TANC1: variants seen among roughly 807,000 people sequenced by gnomAD.
TANC1 encodes the protein protein TANC1.
TANC1 carries 77 observed loss-of-function variants against 149.7 expected under a neutral mutation model. That is an observed-to-expected ratio of 0.51 (90% CI 0.43 to 0.62). The LOEUF is 0.62. Ranked by LOEUF, TANC1 falls within the 20% of genes least tolerant of loss-of-function variation. The pLI is 0.00. For synonymous variants in TANC1, 854 were observed against 925.0 expected (o/e 0.92, Z 1.39); for missense variants, 1,985 against 2,321.8 (o/e 0.85, Z 2.98).
Position 159,229,252 on chromosome 2 carries a change from C to CT in TANC1, c.4152-325dup, listed in dbSNP as rs532792576. On this transcript the variant is annotated intron_variant, in intron 26 of 26. Coordinates refer to ENST00000263635, the MANE Select transcript of TANC1 (RefSeq NM_033394.3). The stretch of plus-strand genomic sequence containing the variant: ...GGGAAGAGTGATATAAGCCTGTTGA[C>CT]TGAGAGATGGGCACAGTGTTACCAT... Among the ~76,000 whole-genome samples, 62 of 152,192 alleles carry CT rather than the reference C, an allele frequency of 4.1e-4. No homozygotes were observed. The South Asian group carries it at 6.8e-3, about 17-fold the overall frequency.
At chr2:159,214,141 A>AGGGG (rs145466185) in intron 19 of TANC1, among the ~76,000 whole-genome samples, 32 of 112,536 alleles carry the variant, frequency 2.8e-4, no homozygotes, top group South Asian at 1.4e-3. Flanking sequence ...AAAAAAAAAA[A>AGGGG]GGGGGAATTT....
intron 2 of TANC1, among the ~76,000 whole-genome samples, chr2:159,012,024 C>T (rs1310145584): frequency 6.6e-6 from 1 of 152,142 alleles, no homozygotes; most frequent in African/African-American, 2.4e-5. Context: ...AGGAAGGGGG[C>T]TAGTGACAGG....
Position 159,097,727 on chromosome 2 carries a change from C to G in TANC1, c.152C>G (p.Thr51Ser). Reference sequence around the variant, plus strand: ...AGCAGTCTTCCCACAGCAGAGGACACCTATAGGGTGAGCTTGGCCAAAGGT... The same window carrying G: ...AGCAGTCTTCCCACAGCAGAGGACAGCTATAGGGTGAGCTTGGCCAAAGGT... ...PVSSLPTAED[T>S]YRVSLAKGVS... Residue 51 changes from threonine (T) to serine (S), a missense_variant, in exon 4 of 27, where the codon ACC (threonine) becomes AGC (serine). By Grantham distance (58) the Thr-to-Ser change is moderately conservative (BLOSUM62 1). Coordinates refer to ENST00000263635, the MANE Select transcript of TANC1 (RefSeq NM_033394.3). 1 of 1,614,138 alleles carries G rather than the reference C, an allele frequency of 6.2e-7. No homozygotes were observed.
intron 16 of TANC1, 119 bp from the exon 17 acceptor site, chr2:159,194,138 C>A: frequency 1.3e-6 from 1 of 760,056 alleles, no homozygotes; most frequent in Non-Finnish European, 2.3e-6. Context: ...TACTGGTGCA[C>A]ATTCAAGTTT....
chr2:159,089,306 T>C (rs1254950400), intron 3 of TANC1, among the ~76,000 whole-genome samples: 1 of 152,228 alleles, frequency 6.6e-6, no homozygotes, highest in Non-Finnish European at 1.5e-5. Flanking sequence ...TTTCTTACTT[T>C]GTAGTTAGAT....
rs112716163 is a variant in TANC1, at chr2:159,181,998, C to T, written c.2510+2835C>T. The stretch of plus-strand genomic sequence containing the variant: ...GGTGGATCACCTGAGGTCAGGGGTT[C>T]GAGACCAGCCTGGCCAACATGGTGA... On this transcript the variant is annotated intron_variant, in intron 14 of 26. Transcript: ENST00000263635. 8.6e-3 allele frequency among the ~76,000 whole-genome samples: 1,313 copies of T among 151,936 alleles called. 18 individuals carry two copies. The highest frequency in any genetic ancestry group is 0.03 in the African/African-American group (1,223 of 41,428).
Position 159,073,382 on chromosome 2 carries a change from G to A in TANC1, c.61+7411G>A, listed in dbSNP as rs12612181. Among the ~76,000 whole-genome samples the A allele has an allele frequency of 0.029, 4,427 of 152,264 alleles. 393 individuals are homozygous for A. In the East Asian group the frequency reaches 0.36, roughly 12 times the overall value. On this transcript the variant is annotated intron_variant, in intron 3 of 26. Coordinates refer to ENST00000263635, the MANE Select transcript of TANC1 (RefSeq NM_033394.3). ...CTGGTGGGGGGCATACTTGGAGAAA[G>A]CTCTGGACCCCAGAGGAAAGGGAAG... is the stretch of plus-strand genomic sequence containing the variant.
intron 4 of TANC1, among the ~76,000 whole-genome samples, chr2:159,102,844 G>A: frequency 1.1e-5 from 1 of 89,102 alleles, no homozygotes; most frequent in Non-Finnish European, 2.8e-5. Context: ...TCAGCCTTCC[G>A]AGTAGCTGGG....
At chr2:158,970,839 C>T (rs963840497) in intron 1 of TANC1, among the ~76,000 whole-genome samples, 9 of 152,138 alleles carry the variant, frequency 5.9e-5, no homozygotes, top group African/African-American at 2.2e-4. Context: ...CCCTGTCTTG[C>T]ACATGTGGTG....
chr2:159,060,663 T>A (rs1292138255), intron 2 of TANC1, among the ~76,000 whole-genome samples: 3 of 152,250 alleles, frequency 2.0e-5, no homozygotes, highest in African/African-American at 7.2e-5. Context: ...GCCTGTGTTC[T>A]GGCTTCTGTT....
intron 1 of TANC1, among the ~76,000 whole-genome samples, chr2:158,978,203 G>C (rs1191701208): frequency 6.6e-6 from 1 of 152,198 alleles, no homozygotes; most frequent in Non-Finnish European, 1.5e-5. Flanking sequence ...AAGGGAGACA[G>C]AGAATCCACA....
At chr2:159,094,891 T>G (rs2045938571) in intron 3 of TANC1, among the ~76,000 whole-genome samples, 1 of 152,140 alleles carries the variant, frequency 6.6e-6, no homozygotes, top group African/African-American at 2.4e-5. Context: ...TCCTGGGCAT[T>G]TGCATGAATG....
At position 159,020,019 on chromosome 2, in the gene TANC1, G is replaced by A. The variant is rs116628901; in HGVS notation, c.-16+18830G>A. Among the ~76,000 whole-genome samples, 901 of 152,194 alleles carry A rather than the reference G, an allele frequency of 5.9e-3. 8 individuals carry two copies. Among genetic ancestry groups the A allele is most frequent in the South Asian group, 0.013 (62 of 4,816 alleles). ...AATTTAACACAAAATAAAACTAGTC[G>A]ATTTTGAGAGGATTGTATCTTTTCA... On this transcript the variant is annotated intron_variant, in intron 2 of 26. Transcript: ENST00000263635.
At chr2:159,000,784 C>G (rs761186635) in intron 1 of TANC1, among the ~76,000 whole-genome samples, 46 of 152,192 alleles carry the variant, frequency 3.0e-4, no homozygotes, top group Non-Finnish European at 6.6e-4. Flanking sequence ...AATACGGCTT[C>G]TGACTGAGGT....
chr2:159,191,718 C>A (rs372781659), intron 16 of TANC1, among the ~76,000 whole-genome samples: 6 of 152,136 alleles, frequency 3.9e-5, no homozygotes, highest in Non-Finnish European at 8.8e-5. Context: ...ATTTTCCAGA[C>A]CCATTTGTTT....
chr2:159,115,200 G>A (rs1428799234), intron 4 of TANC1, among the ~76,000 whole-genome samples: 1 of 150,052 alleles, frequency 6.7e-6, no homozygotes, highest in Non-Finnish European at 1.5e-5. Flanking sequence ...GTGTGTGTAT[G>A]TGTGTCCGTG....
intron 8 of TANC1, among the ~76,000 whole-genome samples, chr2:159,163,839 A>G (rs1325830589): frequency 7.0e-6 from 1 of 142,558 alleles, no homozygotes; most frequent in Non-Finnish European, 1.6e-5. Context: ...TTTTGTTTTA[A>G]GCCTTAGAAA....
At chr2:159,217,395 T>A in intron 19 of TANC1, 102 bp from the exon 20 acceptor site, 1 of 1,485,942 alleles carries the variant, frequency 6.7e-7, no homozygotes, top group South Asian at 1.2e-5. Flanking sequence ...GGAGGACATA[T>A]AGACCCCATC....
At chr2:159,169,159 T>C in intron 8 of TANC1, 91 bp from the exon 9 acceptor site, 1 of 985,830 alleles carries the variant, frequency 1.0e-6, no homozygotes, top group Non-Finnish European at 1.5e-6. Context: ...AAGCCTGAAC[T>C]GAATTGCTTA....
Sources: gnomAD v4.1 joint callset for allele counts (sites outside exome capture counted in the v4.1 genomes callset) on GRCh38, gnomAD v4.1.1 for gene constraint, MANE v1.5 for transcripts, NCBI Gene and HGNC (gene_info 2026-07-23, HGNC 2026-07-21) for gene names.